The following TSPAN7 variants were observed in gnomAD, a reference collection of about 807,000 sequenced individuals.
TSPAN7 encodes the protein tetraspanin 7.
Under a neutral mutation model 17.6 loss-of-function variants are expected in TSPAN7, and 1 was observed. That is an observed-to-expected ratio of 0.06 (90% CI 0.02 to 0.27). TSPAN7 has a LOEUF of 0.27. TSPAN7 is among the 10% of genes least tolerant of loss of function. TSPAN7 has a pLI of 1.00. For synonymous variants in TSPAN7, 78 were observed against 79.0 expected (o/e 0.99, Z 0.07); for missense variants, 112 against 201.7 (o/e 0.56, Z 2.69).
intron 6 of TSPAN7, among the ~76,000 whole-genome samples, chrX:38,685,767 A>G (rs2069923462): frequency 8.9e-6 from 1 of 112,082 alleles, no homozygotes; most frequent in African/African-American, 3.2e-5. Context: ...TAATCTTGAG[A>G]TGACTTAAAA....
intron 1 of TSPAN7, among the ~76,000 whole-genome samples, chrX:38,657,952 C>CT (rs1356501835): frequency 9.0e-6 from 1 of 111,510 alleles, no homozygotes; most frequent in Non-Finnish European, 1.9e-5. Flanking sequence ...TAGACTCTGG[C>CT]TATCTGATCC....
At chrX:38,612,365 G>A (rs2069424155) in intron 1 of TSPAN7, 1 of 111,649 alleles carries the variant, frequency 9.0e-6, no homozygotes, top group African/African-American at 3.3e-5. Context: ...AGAAGAACAG[G>A]AATCTCCTCA....
intron 6 of TSPAN7, among the ~76,000 whole-genome samples, chrX:38,687,169 T>C (rs750441779): frequency 1.5e-4 from 17 of 112,364 alleles, no homozygotes; most frequent in African/African-American, 2.6e-4. Flanking sequence ...TCCAAATGCA[T>C]GTGCTATAGA....
intron 1 of TSPAN7, among the ~76,000 whole-genome samples, chrX:38,602,515 G>T (rs955773515): frequency 1.8e-5 from 2 of 111,697 alleles, no homozygotes; most frequent in African/African-American, 3.3e-5. Flanking sequence ...CAAAGGTCAT[G>T]AATGGGATAT....
At chrX:38,662,293 C>G (rs1407740823) in intron 1 of TSPAN7, among the ~76,000 whole-genome samples, 1 of 112,006 alleles carries the variant, frequency 8.9e-6, no homozygotes. Flanking sequence ...CCTTTCTGGT[C>G]CAGAGTGGCA....
rs190703375 is a variant in TSPAN7, at chrX:38,581,250, C to T, written c.81+19623C>T. 6.9e-3 allele frequency among the ~76,000 whole-genome samples: 772 copies of T among 112,333 alleles called. 7 individuals carry two copies. Among genetic ancestry groups the T allele is most frequent in the African/African-American group, 0.024 (733 of 30,933 alleles). ...TCAAAGGTTTGACTCTTGTGTTAGT[C>T]GGTTCTCACACTGCTAATAAAGACA... On this transcript the variant is annotated intron_variant, in intron 1 of 7. Coordinates refer to ENST00000378482, the MANE Select transcript of TSPAN7 (RefSeq NM_004615.4).
Position 38,670,464 on chromosome X carries a change from G to A in TSPAN7, c.271-912G>A, listed in dbSNP as rs771976672. ...GCATGAGATGAAAAGCACTAAAGGC[G>A]TTAGATGCTTGCAAATGTCATTAGT... On this transcript the variant is annotated intron_variant, in intron 2 of 7. Coordinates refer to ENST00000378482, the MANE Select transcript of TSPAN7 (RefSeq NM_004615.4). Among the ~76,000 whole-genome samples, 7 of 112,323 alleles carry A rather than the reference G, an allele frequency of 6.2e-5. No homozygotes were observed. In the South Asian group the frequency reaches 1.8e-3, roughly 30 times the overall value.
At chrX:38,662,000 G>T (rs116570206) in intron 1 of TSPAN7, among the ~76,000 whole-genome samples, 3,242 of 111,380 alleles carry the variant, frequency 0.029, 126 homozygotes, top group African/African-American at 0.1. Context: ...TCTTTGTATG[G>T]TTTTTATCCT....
chrX:38,641,725 C>T (rs986435520), intron 1 of TSPAN7, among the ~76,000 whole-genome samples: 1 of 111,874 alleles, frequency 8.9e-6, no homozygotes, highest in African/African-American at 3.3e-5. Flanking sequence ...ATGATGCAGA[C>T]ATTATCTTCA....
chrX:38,623,126 C>G, intron 1 of TSPAN7: 1 of 326,940 alleles, frequency 3.1e-6, no homozygotes, highest in Non-Finnish European at 5.9e-6. Flanking sequence ...TTGTGGAGAT[C>G]CAAGAGAGCC....
At chrX:38,645,471 C>T (rs752365853) in intron 1 of TSPAN7, among the ~76,000 whole-genome samples, 4 of 111,329 alleles carry the variant, frequency 3.6e-5, no homozygotes, top group Middle Eastern at 4.7e-3. Flanking sequence ...GGGAAGATGG[C>T]GAGCTCAAGC....
At chrX:38,564,782 G>A (rs937054034) in intron 1 of TSPAN7, among the ~76,000 whole-genome samples, 3 of 111,867 alleles carry the variant, frequency 2.7e-5, no homozygotes, top group African/African-American at 9.8e-5. Context: ...CTTTCTTGAA[G>A]AAATATTTAT....
chrX:38,589,401 T>G (rs947252039), intron 1 of TSPAN7, among the ~76,000 whole-genome samples: 6 of 112,225 alleles, frequency 5.3e-5, no homozygotes, highest in African/African-American at 1.9e-4. Flanking sequence ...TTTACTAATA[T>G]AAGATTATGA....
chrX:38,670,322 T>C (rs919460110), intron 2 of TSPAN7, among the ~76,000 whole-genome samples: 4 of 112,020 alleles, frequency 3.6e-5, no homozygotes, highest in African/African-American at 1.3e-4. Context: ...AATCAATTCT[T>C]GTTTTTATCT....
intron 1 of TSPAN7, among the ~76,000 whole-genome samples, chrX:38,569,530 A>C (rs1284051961): frequency 1.8e-5 from 2 of 109,293 alleles, no homozygotes; most frequent in African/African-American, 6.7e-5. Context: ...TTTTTCGAAA[A>C]ACTCTTACTG....
At chrX:38,569,943 C>CA (rs2069161594) in intron 1 of TSPAN7, among the ~76,000 whole-genome samples, 1 of 111,802 alleles carries the variant, frequency 8.9e-6, no homozygotes, top group Admixed American at 9.5e-5. Flanking sequence ...TATTGGTACC[C>CA]AGTTTTCAAT....
At chrX:38,657,923 T>G (rs2069713805) in intron 1 of TSPAN7, among the ~76,000 whole-genome samples, 1 of 112,056 alleles carries the variant, frequency 8.9e-6, no homozygotes, top group African/African-American at 3.2e-5. Context: ...TGTTATACCT[T>G]GTTAGACAAT....
intron 1 of TSPAN7, among the ~76,000 whole-genome samples, chrX:38,661,267 C>T (rs777235494): frequency 1.2e-4 from 13 of 112,776 alleles, no homozygotes; most frequent in Non-Finnish European, 2.4e-4. Flanking sequence ...TTGGATACCC[C>T]TTGGCATATT....
At chrX:38,614,124 G>A (rs747096530) in intron 1 of TSPAN7, among the ~76,000 whole-genome samples, 15 of 110,307 alleles carry the variant, frequency 1.4e-4, no homozygotes, top group South Asian at 4.0e-4. Context: ...ATTCCTTTAC[G>A]TGTTTTTTAT....
Sources: allele counts gnomAD v4.1 joint callset (sites outside exome capture counted in the v4.1 genomes callset), GRCh38; gene constraint gnomAD v4.1.1; transcripts MANE v1.5; gene names NCBI Gene and HGNC (gene_info 2026-07-23, HGNC 2026-07-21).